AGBL1: variants seen among roughly 807,000 people sequenced by gnomAD.
AGBL1 encodes AGBL carboxypeptidase 1, also known as cytosolic carboxypeptidase 4.
In AGBL1, 130 loss-of-function variants were observed where a neutral mutation model predicts 118.9. The observed-to-expected ratio is 1.09, with a 90% CI of 0.95 to 1.26. The LOEUF (loss-of-function observed/expected upper bound fraction) is 1.26, where lower values mean the gene tolerates loss of function less well. Ranked by LOEUF, AGBL1 falls within the 50% of genes most tolerant of loss-of-function variation. The pLI is 0.00. For missense variants in AGBL1, 1,584 were observed against 1,298.1 expected, an observed-to-expected ratio of 1.22 and a Z score of -3.38; for synonymous variants, 555 against 478.9, an observed-to-expected ratio of 1.16 and a Z score of -2.08.
chr15:86,261,607 A>G (rs180865653), intron 9 of AGBL1, among the ~76,000 whole-genome samples: 25 of 149,772 alleles, frequency 1.7e-4, no homozygotes, highest in African/African-American at 6.0e-4. Context: ...CTTGTAAAAC[A>G]TATGGTATTT....
chr15:86,735,123 G>A (rs745727552), intron 22 of AGBL1, among the ~76,000 whole-genome samples: 26 of 151,770 alleles, frequency 1.7e-4, no homozygotes, highest in Admixed American at 1.6e-3. Flanking sequence ...CTCTTGTCAC[G>A]TAGGCTGGAG....
chr15:86,836,504 T>C (rs113536323), intron 22 of AGBL1, among the ~76,000 whole-genome samples: 9 of 152,326 alleles, frequency 5.9e-5, no homozygotes, highest in African/African-American at 2.2e-4. Flanking sequence ...TTTCAGATTC[T>C]ACTTTTTCTC....
In AGBL1 at chr15:86,912,695, A is replaced by G. The variant is rs752310599; in HGVS notation, c.*5401A>G. The G allele has an allele frequency of 6.6e-6, 1 of 152,240 alleles. No individual in the cohort carries two copies. The highest frequency in any genetic ancestry group is 1.5e-5 in the Non-Finnish European group (1 of 68,060). The allele number at this position is 152,240 out of a possible 1,614,324, so 9.4% of individuals were successfully genotyped here. On this transcript the variant is annotated 3_prime_UTR_variant, in exon 23 of 23. Transcript: ENST00000614907. ...TAAGGGCAGCCTCTGCCCTATGCCA[A>G]GAGAAGGAGCTCCCAGGAAATGCCT...
At chr15:86,840,652 C>T (rs922532065) in intron 22 of AGBL1, among the ~76,000 whole-genome samples, 4 of 152,038 alleles carry the variant, frequency 2.6e-5, no homozygotes, top group African/African-American at 4.8e-5. Flanking sequence ...ACCATGTTAG[C>T]CAGGCTCAAA....
At chr15:86,268,667 C>A (rs542406655) in intron 13 of AGBL1, among the ~76,000 whole-genome samples, 13 of 152,230 alleles carry the variant, frequency 8.5e-5, no homozygotes, top group Admixed American at 2.0e-4. Context: ...ATTTGAGGGT[C>A]ATAGACTTTC....
At chr15:86,666,807 C>T (rs1487160227) in intron 21 of AGBL1, among the ~76,000 whole-genome samples, 2 of 152,152 alleles carry the variant, frequency 1.3e-5, no homozygotes, top group African/African-American at 2.4e-5. Flanking sequence ...ATTTCCATTA[C>T]ATAGATGAGA....
intron 17 of AGBL1, among the ~76,000 whole-genome samples, chr15:86,315,657 G>T (rs1057256082): frequency 4.0e-5 from 6 of 149,940 alleles, no homozygotes; most frequent in African/African-American, 1.5e-4. Flanking sequence ...GGCAGAGGTT[G>T]CAGTGAGCTG....
intron 22 of AGBL1, among the ~76,000 whole-genome samples, chr15:86,898,142 T>G (rs771154219): frequency 8.5e-5 from 13 of 152,160 alleles, no homozygotes; most frequent in African/African-American, 7.2e-5. Context: ...AGGAAAAAAC[T>G]TCTCCAGAGT....
chr15:86,613,116 G>T lies in AGBL1; in HGVS notation c.2994+58579G>T, dbSNP rs1349759602. On this transcript the variant is annotated intron_variant, in intron 21 of 22. Transcript: ENST00000614907. This position sits in a 1 kb window ranked among gnomAD's most constrained non-coding sequence, Gnocchi z 4.2. Reference sequence around the variant, plus strand: ...CATGTTCTCAGGACCACCTGAGGCTGTGTTACAGGCCATGGTTCTTAACCG... The same window carrying T: ...CATGTTCTCAGGACCACCTGAGGCTTTGTTACAGGCCATGGTTCTTAACCG... Among the ~76,000 whole-genome samples the T allele has an allele frequency of 2.6e-5, 4 of 152,226 alleles. No homozygotes were observed. Among genetic ancestry groups the T allele is most frequent in the Non-Finnish European group, 4.4e-5 (3 of 68,044 alleles).
chr15:86,691,321 A>T (rs1463014136), intron 22 of AGBL1, among the ~76,000 whole-genome samples: 1 of 152,140 alleles, frequency 6.6e-6, no homozygotes, highest in Non-Finnish European at 1.5e-5. Context: ...GAGAGCTTGG[A>T]TTTCCCTGGG....
chr15:86,543,905 G>C (rs967230099), intron 19 of AGBL1, among the ~76,000 whole-genome samples: 1 of 152,162 alleles, frequency 6.6e-6, no homozygotes, highest in African/African-American at 2.4e-5. Context: ...AAAACAGGTG[G>C]CTTGCCTTTT....
rs990594290 is a variant in AGBL1, at chr15:86,749,418, A to G, written c.3158+74982A>G. ...GCTTAAGGAGATTTTGGGCTGAGACAATGGGGTTTTCTAGATATATAATCA... is the reference window on the plus strand; with the variant it reads ...GCTTAAGGAGATTTTGGGCTGAGACGATGGGGTTTTCTAGATATATAATCA... On this transcript the variant is annotated intron_variant, in intron 22 of 22. Transcript: ENST00000614907. Among the ~76,000 whole-genome samples the G allele has an allele frequency of 1.2e-4, 19 of 152,172 alleles. No individual in the cohort carries two copies. In the East Asian group the frequency reaches 2.1e-3, roughly 17 times the overall value.
intron 22 of AGBL1, among the ~76,000 whole-genome samples, chr15:86,806,838 AT>A (rs11313541): frequency 0.089 from 13,495 of 151,184 alleles, 654 homozygotes; most frequent in South Asian, 0.14. Flanking sequence ...ATTAATAACT[AT>A]TTTATCTTTT....
At chr15:86,431,786 C>G (rs1361057258) in intron 18 of AGBL1, among the ~76,000 whole-genome samples, 2 of 152,086 alleles carry the variant, frequency 1.3e-5, no homozygotes, top group African/African-American at 4.8e-5. Flanking sequence ...GATGTTATCC[C>G]CTCTTTGACT....
intron 17 of AGBL1, among the ~76,000 whole-genome samples, chr15:86,381,702 A>G (rs1227656200): frequency 6.6e-6 from 1 of 152,216 alleles, no homozygotes; most frequent in African/African-American, 2.4e-5. Flanking sequence ...CGACGTAACC[A>G]GAAGTCCAAG....
chr15:86,787,078 A>G (rs1002331817), intron 22 of AGBL1, among the ~76,000 whole-genome samples: 17 of 152,148 alleles, frequency 1.1e-4, no homozygotes, highest in African/African-American at 4.1e-4. Flanking sequence ...ATTCTTTTGT[A>G]CTAATCAAAT....
At chr15:86,761,871 C>A (rs1012793801) in intron 22 of AGBL1, among the ~76,000 whole-genome samples, 6 of 152,002 alleles carry the variant, frequency 3.9e-5, no homozygotes, top group Admixed American at 3.3e-4. Context: ...GCTTTTGTTG[C>A]AATTGGTTTT....
chr15:86,827,398 CATATATATATGTGTATAT>C (rs1567194621), intron 22 of AGBL1, among the ~76,000 whole-genome samples: 191 of 3,570 alleles, frequency 0.054, 30 homozygotes, highest in African/African-American at 0.17. Flanking sequence ...TATATATATA[CATATATATATGTGTATAT>C]ATATATATAT....
chr15:86,753,115 A>C (rs893770009), intron 22 of AGBL1, among the ~76,000 whole-genome samples: 4 of 152,128 alleles, frequency 2.6e-5, no homozygotes, highest in African/African-American at 7.2e-5. Context: ...AATCTGTTAA[A>C]AACAGAGACA....
Sources: allele counts gnomAD v4.1 joint callset (sites outside exome capture counted in the v4.1 genomes callset), GRCh38; gene constraint gnomAD v4.1.1; non-coding constraint Gnocchi (gnomAD v3.1); transcripts MANE v1.5; gene names NCBI Gene and HGNC (gene_info 2026-07-23, HGNC 2026-07-21).